The following IGFBP2 variants were observed in gnomAD, a reference collection of about 807,000 sequenced individuals.
IGFBP2 encodes insulin like growth factor binding protein 2, also known as insulin-like growth factor-binding protein 2.
IGFBP2 carries 12 observed loss-of-function variants against 26.2 expected under a neutral mutation model. The observed-to-expected ratio is 0.46, with a 90% CI of 0.29 to 0.74. The LOEUF is 0.74. IGFBP2 is among the 30% of genes least tolerant of loss of function. The probability of loss-of-function intolerance (pLI) is 0.09; values close to 1 mark genes in which losing one functional copy is unlikely to be tolerated. For synonymous variants in IGFBP2, 189 were observed against 200.6 expected, an observed-to-expected ratio of 0.94 and a Z score of 0.49; for missense variants, 328 against 441.2, an observed-to-expected ratio of 0.74 and a Z score of 2.30.
chr2:216,655,123 C>T (rs1473289277), intron 1 of IGFBP2, among the ~76,000 whole-genome samples: 1 of 152,194 alleles, frequency 6.6e-6, no homozygotes, highest in Non-Finnish European at 1.5e-5. Context: ...TCATGGCTCA[C>T]TGCAGCCTCT....
intron 1 of IGFBP2, among the ~76,000 whole-genome samples, chr2:216,636,835 G>T (rs980574955): frequency 2.0e-5 from 3 of 151,854 alleles, no homozygotes; most frequent in Non-Finnish European, 4.4e-5. Flanking sequence ...GGGGCCGCCC[G>T]AGTGGCCGTT....
chr2:216,635,676 C>T (rs1697480922), intron 1 of IGFBP2, among the ~76,000 whole-genome samples: 1 of 151,840 alleles, frequency 6.6e-6, no homozygotes, highest in Non-Finnish European at 1.5e-5. Flanking sequence ...TCCCAAATCC[C>T]TGAAGCCGGT....
rs560338181 is a variant in IGFBP2, at chr2:216,654,592, C to CT, written c.443-5962dup. Among the ~76,000 whole-genome samples, 492 of 152,338 alleles carry CT rather than the reference C, an allele frequency of 3.2e-3. 1 individual carries two copies. Among genetic ancestry groups the CT allele is most frequent in the Middle Eastern group, 6.8e-3 (2 of 294 alleles). Reference sequence around the variant, plus strand: ...CTTTCTGATCTCTGCCTGGTCAACTCTTTCATTTCCCTTCCCTGGGCTTCT... The same window carrying CT: ...CTTTCTGATCTCTGCCTGGTCAACTCTTTTCATTTCCCTTCCCTGGGCTTCT... On this transcript the variant is annotated intron_variant, in intron 1 of 3. Transcript: ENST00000233809.
intron 1 of IGFBP2, among the ~76,000 whole-genome samples, chr2:216,642,692 A>G (rs1376404990): frequency 6.6e-6 from 1 of 152,084 alleles, no homozygotes; most frequent in African/African-American, 2.4e-5. Flanking sequence ...TTGGTATGGG[A>G]GCTTCTGTCT....
chr2:216,659,585 C>G, intron 1 of IGFBP2: 1 of 709,422 alleles, frequency 1.4e-6, no homozygotes. Context: ...TCCTCTCTGC[C>G]TCCTTTGGCT....
intron 1 of IGFBP2, chr2:216,659,535 G>C: frequency 3.3e-6 from 2 of 605,472 alleles, no homozygotes; most frequent in Non-Finnish European, 6.0e-6. Context: ...GAGCTTGCTG[G>C]GGCTTGTCTC....
intron 1 of IGFBP2, among the ~76,000 whole-genome samples, chr2:216,658,228 T>C (rs1352233936): frequency 6.6e-6 from 1 of 152,200 alleles, no homozygotes; most frequent in Non-Finnish European, 1.5e-5. Context: ...TGCGGTGGCC[T>C]TGGAAACCAG....
intron 1 of IGFBP2, among the ~76,000 whole-genome samples, chr2:216,657,039 G>A (rs1316891517): frequency 6.6e-6 from 1 of 152,204 alleles, no homozygotes; most frequent in Non-Finnish European, 1.5e-5. Context: ...AGGGCGAACT[G>A]GAGGTTCCCA....
At chr2:216,661,498 G>A (rs577288217) in intron 2 of IGFBP2, 67 of 378,544 alleles carry the variant, frequency 1.8e-4, no homozygotes, top group African/African-American at 1.3e-3. Context: ...GGCCCTGGTT[G>A]GTTTTATGGA....
intron 1 of IGFBP2, among the ~76,000 whole-genome samples, 156 bp from the exon 2 acceptor site, chr2:216,660,401 T>C (rs560698785): frequency 4.6e-4 from 70 of 152,254 alleles, no homozygotes; most frequent in African/African-American, 1.3e-3. Context: ...TGATCATCCA[T>C]ATAAATTGCT....
At chr2:216,633,230 G>A (rs1284336325), upstream of IGFBP2, among the ~76,000 whole-genome samples, 1 of 152,166 alleles carries the variant, frequency 6.6e-6, no homozygotes, top group South Asian at 2.1e-4. Flanking sequence ...GAGGGACGGG[G>A]CCCGGGAAGA....
intron 1 of IGFBP2, among the ~76,000 whole-genome samples, chr2:216,646,095 T>C (rs557369605): frequency 4.6e-5 from 7 of 152,250 alleles, no homozygotes; most frequent in Admixed American, 1.3e-4. Context: ...AAGACACTTC[T>C]TGTGCTGGTT....
chr2:216,638,394 G>A (rs1363062389), intron 1 of IGFBP2, among the ~76,000 whole-genome samples: 2 of 151,882 alleles, frequency 1.3e-5, no homozygotes, highest in East Asian at 3.9e-4. Context: ...AGTCCCAGCT[G>A]CTCGGGACTC....
chr2:216,655,078 C>T (rs915443357), intron 1 of IGFBP2, among the ~76,000 whole-genome samples: 1 of 152,110 alleles, frequency 6.6e-6, no homozygotes, highest in Non-Finnish European at 1.5e-5. Context: ...GACAGGGGCT[C>T]ACTCTGTCAC....
At chr2:216,661,450 T>C (rs1472887671) in intron 2 of IGFBP2, 1 of 347,854 alleles carries the variant, frequency 2.9e-6, no homozygotes, top group Non-Finnish European at 5.6e-6. Context: ...GAGCTACCCC[T>C]CCCCTCTTTC....
chr2:216,654,530 A>G (rs982777483), intron 1 of IGFBP2, among the ~76,000 whole-genome samples: 1 of 152,240 alleles, frequency 6.6e-6, no homozygotes. Flanking sequence ...GGCTGGGAAC[A>G]GTAACAAGGA....
intron 1 of IGFBP2, among the ~76,000 whole-genome samples, chr2:216,655,294 A>G (rs1157197368): frequency 6.6e-6 from 1 of 152,150 alleles, no homozygotes; most frequent in Non-Finnish European, 1.5e-5. Flanking sequence ...TGTAATCCCC[A>G]TAATCCCCAG....
At chr2:216,648,386 T>C (rs1395185379) in intron 1 of IGFBP2, among the ~76,000 whole-genome samples, 2 of 152,206 alleles carry the variant, frequency 1.3e-5, no homozygotes, top group African/African-American at 4.8e-5. Context: ...TCCGAGTTCT[T>C]CATGGCATAG....
chr2:216,659,910 CCAGGTGGG>C (rs973153440), intron 1 of IGFBP2, among the ~76,000 whole-genome samples: 1 of 151,818 alleles, frequency 6.6e-6, no homozygotes, highest in Non-Finnish European at 1.5e-5. Context: ...TTAGGCAGGG[CCAGGTGGG>C]CAGGTACACA....
Sources: allele counts gnomAD v4.1 joint callset (sites outside exome capture counted in the v4.1 genomes callset), GRCh38; gene constraint gnomAD v4.1.1; transcripts MANE v1.5; gene names NCBI Gene and HGNC (gene_info 2026-07-23, HGNC 2026-07-21).